The following CPLANE1 variants were observed in gnomAD, a reference collection of about 807,000 sequenced individuals.
The protein encoded by CPLANE1 is ciliogenesis and planar polarity effector complex subunit 1.
Under a neutral mutation model 362.5 loss-of-function variants are expected in CPLANE1, and 263 were observed. The observed-to-expected ratio is 0.73, with a 90% confidence interval of 0.66 to 0.80. The LOEUF (loss-of-function observed/expected upper bound fraction) is 0.80, where lower values mean the gene tolerates loss of function less well. Ranked by LOEUF, CPLANE1 falls within the 30% of genes least tolerant of loss-of-function variation. The pLI, the probability that CPLANE1 is intolerant of heterozygous loss-of-function variation, is 0.00. For missense variants in CPLANE1, 3,461 were observed against 3,793.4 expected, an observed-to-expected ratio of 0.91 and a Z score of 2.30; for synonymous variants, 1,212 against 1,302.6, an observed-to-expected ratio of 0.93 and a Z score of 1.50.
At chr5:37,154,692 T>C (rs542058681) in intron 41 of CPLANE1, among the ~76,000 whole-genome samples, 3 of 152,080 alleles carry the variant, frequency 2.0e-5, no homozygotes, top group Non-Finnish European at 4.4e-5. Context: ...TCCATTCCTT[T>C]TACCCATAAG....
chr5:37,110,553 T>C (rs1336326364), intron 51 of CPLANE1, among the ~76,000 whole-genome samples: 1 of 152,118 alleles, frequency 6.6e-6, no homozygotes, highest in Non-Finnish European at 1.5e-5. Context: ...CTTGCTAGAG[T>C]AGTTCCACCT....
chr5:37,168,023 C>T (rs1339356336), intron 34 of CPLANE1, among the ~76,000 whole-genome samples: 1 of 152,134 alleles, frequency 6.6e-6, no homozygotes, highest in East Asian at 1.9e-4. Flanking sequence ...AAGGAATAAC[C>T]ATTTCCTTTC....
intron 30 of CPLANE1, among the ~76,000 whole-genome samples, chr5:37,177,009 C>T (rs188827298): frequency 3.4e-3 from 514 of 152,226 alleles, no homozygotes; most frequent in African/African-American, 0.011. Context: ...CCACCCGCCT[C>T]GGCCTCCTAG....
rs1385320835 is a variant in CPLANE1 at position 37,230,993 on chromosome 5, A to G, written c.995T>C (p.Met332Thr). Residue 332 changes from methionine (M) to threonine (T), a missense_variant, in exon 9 of 53, where the codon ATG (methionine) becomes ACG (threonine). Around this residue, in one of 2 missense-constraint regions of CPLANE1, gnomAD observed 3,380 missense variants for 3,666.1 expected, o/e 0.92. Coordinates refer to ENST00000651892, the MANE Select transcript of CPLANE1 (RefSeq NM_001384732.1). ...WTHDSLFLACMLKRGSLVLLT... is the reference protein window; with the variant it reads ...WTHDSLFLACTLKRGSLVLLT... ...TAAAACCAGAGAGCCACGTTTTAAC[A>G]TACAAGCCAGAAAAAGACTATCATG... 6.4e-7 allele frequency: 1 copy of G among 1,551,150 alleles called. No homozygotes were observed. Among genetic ancestry groups the G allele is most frequent in the East Asian group, 2.4e-5 (1 of 40,908 alleles).
chr5:37,216,179 C>T (rs914188019), intron 15 of CPLANE1, among the ~76,000 whole-genome samples: 1 of 152,112 alleles, frequency 6.6e-6, no homozygotes, highest in Non-Finnish European at 1.5e-5. Context: ...ATCTGAGAAT[C>T]TTAATATACT....
At chr5:37,210,309 C>T (rs1477026563) in intron 16 of CPLANE1, 4 of 1,477,530 alleles carry the variant, frequency 2.7e-6, no homozygotes, top group African/African-American at 1.4e-5. Flanking sequence ...GAACCAGAAG[C>T]TCCAGGAAGA....
intron 5 of CPLANE1, among the ~76,000 whole-genome samples, chr5:37,243,953 C>T (rs1017446585): frequency 4.0e-5 from 6 of 151,096 alleles, no homozygotes; most frequent in Admixed American, 2.7e-4. Context: ...CAGGTTCAAT[C>T]GATTCTCCTG....
In CPLANE1 at chr5:37,108,280, G is replaced by T; in HGVS notation, c.9579+13C>A. On this transcript the variant is annotated intron_variant, in intron 52 of 52. Transcript: ENST00000651892. ...GCAATCACTAGACAAACAAAATCTA[G>T]AACAATGCTTACTTGTAGAAGGGAA... is the stretch of plus-strand genomic sequence containing the variant. The T allele has an allele frequency of 6.2e-7, 1 of 1,609,844 alleles. No homozygotes were observed. The highest frequency in any genetic ancestry group is 8.5e-7 in the Non-Finnish European group (1 of 1,177,046).
chr5:37,212,034 C>A (rs4400151), intron 16 of CPLANE1: 2 of 955,930 alleles, frequency 2.1e-6, no homozygotes, highest in Non-Finnish European at 3.5e-6. Flanking sequence ...AGTGAAAGAA[C>A]GAAAGCAGAG....
At chr5:37,158,485 A>AGAAG in intron 38 of CPLANE1, 140 bp from the exon 39 acceptor site, 1 of 725,830 alleles carries the variant, frequency 1.4e-6, no homozygotes, top group Non-Finnish European at 2.1e-6. Flanking sequence ...TGACATGGGT[A>AGAAG]TAAATAATTA....
chr5:37,195,628 G>A (rs1250955461), intron 21 of CPLANE1, among the ~76,000 whole-genome samples: 3 of 151,614 alleles, frequency 2.0e-5, no homozygotes, highest in African/African-American at 7.3e-5. Flanking sequence ...GTTAAATAAT[G>A]AAGCATGACA....
In CPLANE1 at chr5:37,107,659, G is replaced by A; in HGVS notation, c.9699C>T (p.Asp3233=). The A allele has an allele frequency of 6.2e-7, 1 of 1,611,332 alleles. No individual in the cohort carries two copies. Among genetic ancestry groups the A allele is most frequent in the Non-Finnish European group, 8.5e-7 (1 of 1,179,136 alleles). ...CCTGGTCCTCCACGCTGGCCACCATGTCTTCGATGGCATTCCAGTCCAGCT... is the reference window on the plus strand; with the variant it reads ...CCTGGTCCTCCACGCTGGCCACCATATCTTCGATGGCATTCCAGTCCAGCT... ...LSKLDWNAIE[D]MVASVEDQGL... Residue 3233 remains aspartate (D), a synonymous_variant, in exon 53 of 53, where the codon GAC becomes GAT. Coordinates refer to ENST00000651892, the MANE Select transcript of CPLANE1 (RefSeq NM_001384732.1).
Position 37,209,659 on chromosome 5 carries a change from G to A in CPLANE1, c.2921-3234C>T. On this transcript the variant is annotated intron_variant, in intron 16 of 52. Transcript: ENST00000651892. The surrounding 1 kb of genome is among the most constrained non-coding windows in gnomAD (Gnocchi z 4.6). ...CTTTCTGTTTTCTTTCTAGAAAGTG[G>A]TTTGGCAAAAGAAAAGGTATTTACT... is the stretch of plus-strand genomic sequence containing the variant. The A allele has an allele frequency of 7.2e-7, 1 of 1,398,128 alleles. No homozygotes were observed. The highest frequency in any genetic ancestry group is 1.2e-5 in the South Asian group (1 of 86,464). 86.6% of individuals were successfully genotyped at this position (1,398,128 alleles called of 1,614,324 possible). A position where few individuals can be genotyped will look rare whatever the true frequency, so the allele number is the denominator to read the frequency against.
chr5:37,092,179 G>A, the CPLANE1 span, among the ~76,000 whole-genome samples: 1 of 152,118 alleles, frequency 6.6e-6, no homozygotes. Flanking sequence ...TAACATAAGT[G>A]CTTGGCTAGG....
intron 41 of CPLANE1, among the ~76,000 whole-genome samples, chr5:37,156,024 G>A (rs1204150341): frequency 6.6e-6 from 1 of 152,202 alleles, no homozygotes; most frequent in East Asian, 1.9e-4. Flanking sequence ...AATCTGAAAT[G>A]CTGGCACTTG....
intron 41 of CPLANE1, 115 bp from the exon 42 acceptor site, chr5:37,154,108 C>T: frequency 1.2e-6 from 1 of 867,424 alleles, no homozygotes; most frequent in Non-Finnish European, 1.7e-6. Flanking sequence ...CTTTCCAAAT[C>T]AGTTTTAATT....
At chr5:37,133,046 C>T (rs890537222) in intron 46 of CPLANE1, among the ~76,000 whole-genome samples, 4 of 152,152 alleles carry the variant, frequency 2.6e-5, no homozygotes, top group African/African-American at 9.7e-5. Context: ...GCCTTTCCCC[C>T]TAATTTTTGT....
chr5:37,097,217 A>C, the CPLANE1 span, among the ~76,000 whole-genome samples: 17 of 152,264 alleles, frequency 1.1e-4, no homozygotes, highest in Admixed American at 3.3e-4. Flanking sequence ...AACAAACAAA[A>C]AAAATAAATA....
the CPLANE1 span, chr5:37,085,363 A>G: frequency 6.7e-6 from 9 of 1,350,128 alleles, no homozygotes; most frequent in Middle Eastern, 2.1e-4. Flanking sequence ...CTGATCTATG[A>G]CACCAAGGGT....
Sources: gnomAD v4.1 joint callset for allele counts (sites outside exome capture counted in the v4.1 genomes callset) on GRCh38, gnomAD v4.1.1 for gene constraint, gnomAD v4.1.1 regional missense constraint, Gnocchi (gnomAD v3.1) non-coding constraint, MANE v1.5 for transcripts, NCBI Gene and HGNC (gene_info 2026-07-23, HGNC 2026-07-21) for gene names.